ZNF385D: variants seen among roughly 807,000 people sequenced by gnomAD.
ZNF385D encodes zinc finger protein 659.
ZNF385D carries 15 observed loss-of-function variants against 35.8 expected under a neutral mutation model. The observed-to-expected ratio is 0.42, with a 90% confidence interval of 0.28 to 0.64. ZNF385D has a LOEUF of 0.64. Among genes scored for constraint, ZNF385D ranks in the 30% least tolerant of loss-of-function variants. The pLI is 0.23. For synonymous variants in ZNF385D, 212 were observed against 186.8 expected (o/e 1.13, Z -1.10); for missense variants, 474 against 494.6 (o/e 0.96, Z 0.39).
rs528716730 is a variant in ZNF385D at position 21,544,820 on chromosome 3, G to A, written c.276+19754C>T. 2.6e-5 allele frequency among the ~76,000 whole-genome samples: 4 copies of A among 152,206 alleles called. No homozygotes were observed. The East Asian group carries it at 7.8e-4, about 29-fold the overall frequency. On this transcript the variant is annotated intron_variant, in intron 3 of 7. Transcript: ENST00000281523. ...CATAATATTAAGTGTTTTAGACCTC[G>A]AACATTTAGCAGCCTAACCAAAATC...
At chr3:22,229,453 G>A (rs906236882) in intron 2 of ZNF385D, among the ~76,000 whole-genome samples, 5 of 152,274 alleles carry the variant, frequency 3.3e-5, no homozygotes, top group African/African-American at 1.2e-4. Context: ...GGCACTCCAG[G>A]TTTTCAGCAT....
intron 2 of ZNF385D, among the ~76,000 whole-genome samples, chr3:22,178,631 G>C (rs1366363900): frequency 2.0e-5 from 3 of 152,036 alleles, no homozygotes; most frequent in Non-Finnish European, 4.4e-5. Flanking sequence ...CATTGCTTTT[G>C]GTGTTTTAGA....
In ZNF385D at chr3:21,564,562, T is replaced by A. The variant is rs1194995049; in HGVS notation, c.276+12A>T. 8 of 1,481,242 alleles carry A rather than the reference T, an allele frequency of 5.4e-6. No individual in the cohort carries two copies. The highest frequency in any genetic ancestry group is 7.3e-6 in the Non-Finnish European group (8 of 1,101,336). The allele number at this position is 1,481,242 out of a possible 1,614,324, so 91.8% of individuals were successfully genotyped here. ...TTTTTTTTTTTAAGTGAACACTAAA[T>A]GATAAACTTACATCAGAATTAAATC... is the stretch of plus-strand genomic sequence containing the variant. On this transcript the variant is annotated intron_variant, in intron 3 of 7. Coordinates refer to ENST00000281523, the MANE Select transcript of ZNF385D (RefSeq NM_024697.3).
At chr3:22,004,105 T>C (rs538857431) in intron 3 of ZNF385D, among the ~76,000 whole-genome samples, 6 of 152,024 alleles carry the variant, frequency 3.9e-5, no homozygotes, top group African/African-American at 1.2e-4. Context: ...CAATGACACA[T>C]AAACCAATGG....
chr3:22,297,447 T>C (rs1702650006), intron 2 of ZNF385D, among the ~76,000 whole-genome samples: 1 of 152,102 alleles, frequency 6.6e-6, no homozygotes, highest in Admixed American at 6.6e-5. Context: ...GTCTAGGCTA[T>C]AGATATAGTC....
At chr3:22,182,908 G>A (rs1695379429) in intron 2 of ZNF385D, among the ~76,000 whole-genome samples, 1 of 151,962 alleles carries the variant, frequency 6.6e-6, no homozygotes, top group Non-Finnish European at 1.5e-5. Context: ...TTTTGCAAAT[G>A]CATTATATTT....
chr3:21,863,720 T>G (rs1269341421), intron 3 of ZNF385D, among the ~76,000 whole-genome samples: 2 of 152,094 alleles, frequency 1.3e-5, no homozygotes, highest in African/African-American at 2.4e-5. Flanking sequence ...AGAAAGACAG[T>G]TGAATTATGT....
At chr3:21,875,220 T>C (rs548897990) in intron 3 of ZNF385D, among the ~76,000 whole-genome samples, 162 of 151,602 alleles carry the variant, frequency 1.1e-3, no homozygotes, top group Non-Finnish European at 1.9e-3. Flanking sequence ...ACTTTCTCCT[T>C]TCCAATATGA....
At chr3:22,286,473 C>G (rs188335404) in intron 2 of ZNF385D, among the ~76,000 whole-genome samples, 42 of 152,036 alleles carry the variant, frequency 2.8e-4, no homozygotes, top group Middle Eastern at 3.4e-3. Flanking sequence ...TTTCCTAGTT[C>G]TTTGAGGTAT....
chr3:21,822,886 A>G (rs1694360924), intron 3 of ZNF385D, among the ~76,000 whole-genome samples: 2 of 152,230 alleles, frequency 1.3e-5, no homozygotes, highest in African/African-American at 4.8e-5. Context: ...GTAATACTGC[A>G]TAAAATTTTG....
chr3:22,151,513 A>G (rs559236691), intron 3 of ZNF385D, among the ~76,000 whole-genome samples: 2 of 152,248 alleles, frequency 1.3e-5, no homozygotes, highest in South Asian at 4.1e-4. Flanking sequence ...TTAAATTTCA[A>G]TGCATGCATT....
intron 3 of ZNF385D, among the ~76,000 whole-genome samples, chr3:22,005,912 G>A (rs558312782): frequency 6.6e-6 from 1 of 152,190 alleles, no homozygotes; most frequent in South Asian, 2.1e-4. Context: ...TTTTGAGTCT[G>A]TCTTCATCTC....
chr3:22,182,128 T>TAATA (rs1227541838), intron 2 of ZNF385D, among the ~76,000 whole-genome samples: 6 of 152,198 alleles, frequency 3.9e-5, no homozygotes, highest in Non-Finnish European at 8.8e-5. Flanking sequence ...AATTGTGAGC[T>TAATA]AATAAATGTG....
At chr3:21,677,402 G>C (rs2066763032) in intron 1 of ZNF385D, among the ~76,000 whole-genome samples, 1 of 152,010 alleles carries the variant, frequency 6.6e-6, no homozygotes, top group Non-Finnish European at 1.5e-5. Context: ...TATACATCTT[G>C]ACTTGTACAA....
chr3:22,073,163 A>G (rs1046078560), intron 3 of ZNF385D, among the ~76,000 whole-genome samples: 1 of 152,062 alleles, frequency 6.6e-6, no homozygotes, highest in Non-Finnish European at 1.5e-5. Context: ...AAACAAAGCT[A>G]AGTTCTGGTC....
chr3:22,301,820 A>G (rs1702916885), intron 2 of ZNF385D, among the ~76,000 whole-genome samples: 4 of 152,056 alleles, frequency 2.6e-5, no homozygotes. Context: ...AATATATATA[A>G]CTATTGTCCT....
At chr3:21,430,518 C>G (rs1701246395) in intron 5 of ZNF385D, among the ~76,000 whole-genome samples, 1 of 152,044 alleles carries the variant, frequency 6.6e-6, no homozygotes, top group African/African-American at 2.4e-5. Context: ...ACCCAATGGG[C>G]AGAACACATG....
intron 2 of ZNF385D, among the ~76,000 whole-genome samples, chr3:22,370,218 T>C (rs993915969): frequency 1.3e-5 from 2 of 152,178 alleles, no homozygotes; most frequent in Non-Finnish European, 2.9e-5. Context: ...GGCTGAAATA[T>C]GGAAGTGTTC....
At chr3:21,862,716 G>C (rs772405310) in intron 3 of ZNF385D, among the ~76,000 whole-genome samples, 18 of 152,166 alleles carry the variant, frequency 1.2e-4, no homozygotes, top group Non-Finnish European at 2.5e-4. Flanking sequence ...CCAGCAGCTA[G>C]CTGTGCCTCC....
Sources: allele counts gnomAD v4.1 joint callset (sites outside exome capture counted in the v4.1 genomes callset), GRCh38; gene constraint gnomAD v4.1.1; transcripts MANE v1.5; gene names NCBI Gene and HGNC (gene_info 2026-07-23, HGNC 2026-07-21).